The following KCNMA1 variants were observed in gnomAD, a reference collection of about 807,000 sequenced individuals.
The protein encoded by KCNMA1 is potassium calcium-activated channel subfamily M alpha 1, also known as Calcium-activated potassium channel subunit alpha-1.
Under a neutral mutation model 140.0 loss-of-function variants are expected in KCNMA1, and 29 were observed. The observed-to-expected ratio is 0.21, with a 90% CI of 0.15 to 0.28. The LOEUF is 0.28. Ranked by LOEUF, KCNMA1 falls within the 10% of genes least tolerant of loss-of-function variation. The pLI, the probability that KCNMA1 is intolerant of heterozygous loss-of-function variation, is 1.00. For missense variants in KCNMA1, 880 were observed against 1,602.2 expected, an observed-to-expected ratio of 0.55 and a Z score of 7.70; for synonymous variants, 612 against 611.9, an observed-to-expected ratio of 1.00 and a Z score of 0.00.
chr10:76,891,822 A>C (rs2040199404), intron 25 of KCNMA1, 103 bp from the exon 26 acceptor site: 1 of 910,252 alleles, frequency 1.1e-6, no homozygotes, highest in African/African-American at 1.6e-5. Context: ...CTCCTGTTTA[A>C]AGTTCTGGCC....
At chr10:77,028,408 C>T (rs1357017486) in intron 15 of KCNMA1, among the ~76,000 whole-genome samples, 1 of 152,090 alleles carries the variant, frequency 6.6e-6, no homozygotes, top group Non-Finnish European at 1.5e-5. Flanking sequence ...CTCCTGGCTC[C>T]ATCCAAGCTG....
intron 1 of KCNMA1, among the ~76,000 whole-genome samples, chr10:77,409,034 C>T (rs2096560489): frequency 6.6e-6 from 1 of 152,214 alleles, no homozygotes; most frequent in African/African-American, 2.4e-5. Flanking sequence ...CCCTACCAGG[C>T]AACCTCTCAC....
At chr10:77,471,357 A>C in intron 1 of KCNMA1, among the ~76,000 whole-genome samples, 1 of 150,982 alleles carries the variant, frequency 6.6e-6, no homozygotes, top group East Asian at 2.0e-4. Flanking sequence ...CAACACATGT[A>C]ACACAACACA....
chr10:77,229,722 G>T (rs1235663158), intron 3 of KCNMA1, among the ~76,000 whole-genome samples: 2 of 152,108 alleles, frequency 1.3e-5, no homozygotes, highest in East Asian at 3.9e-4. Flanking sequence ...CATACTCCCT[G>T]AGACGAACCA....
chr10:77,177,854 C>T (rs940518346), intron 5 of KCNMA1, among the ~76,000 whole-genome samples: 100 of 152,296 alleles, frequency 6.6e-4, no homozygotes, highest in African/African-American at 2.4e-3. Context: ...CCTGCTGTCA[C>T]TGCATGTGTG....
intron 21 of KCNMA1, chr10:76,952,059 G>A (rs1221194523): frequency 6.4e-7 from 1 of 1,552,118 alleles, no homozygotes; most frequent in South Asian, 1.2e-5. Context: ...TTTTATGCTG[G>A]CAGGAGATGT....
chr10:77,614,303 G>A (rs1416320994), intron 1 of KCNMA1, among the ~76,000 whole-genome samples: 1 of 152,074 alleles, frequency 6.6e-6, no homozygotes, highest in African/African-American at 2.4e-5. Context: ...GACATGCCAC[G>A]TGTTTGGTGC....
chr10:76,996,732 C>T lies in KCNMA1; in HGVS notation c.2266+4675G>A, dbSNP rs561888562. Among the ~76,000 whole-genome samples the T allele has an allele frequency of 2.0e-5, 3 of 152,206 alleles. No individual in the cohort carries two copies. The South Asian group carries it at 6.2e-4, about 32-fold the overall frequency. ...AAAACTATGATCACATCGATTCGTG[C>T]TTATTATCCTTGGCTCTCCTTTTTC... On this transcript the variant is annotated intron_variant, in intron 19 of 27. Coordinates refer to ENST00000286628, the MANE Select transcript of KCNMA1 (RefSeq NM_001161352.2).
At chr10:77,380,118 G>A (rs931183499) in intron 2 of KCNMA1, among the ~76,000 whole-genome samples, 12 of 152,182 alleles carry the variant, frequency 7.9e-5, no homozygotes, top group Non-Finnish European at 1.6e-4. Context: ...ATGAAAGTGT[G>A]TGAACAGGTT....
intron 1 of KCNMA1, among the ~76,000 whole-genome samples, chr10:77,565,604 TAAG>T (rs374884568): frequency 2.6e-5 from 4 of 152,190 alleles, no homozygotes; most frequent in Admixed American, 6.5e-5. Context: ...TGTGTGACCT[TAAG>T]CAGCTGTGCT....
chr10:77,183,650 C>A (rs1336653120), intron 4 of KCNMA1, 118 bp from the exon 5 acceptor site: 2 of 729,438 alleles, frequency 2.7e-6, no homozygotes, highest in African/African-American at 3.5e-5. Flanking sequence ...CCACGCCCGG[C>A]TAATTTTTGT....
intron 2 of KCNMA1, among the ~76,000 whole-genome samples, chr10:77,345,373 T>A (rs1248177488): frequency 6.6e-6 from 1 of 151,652 alleles, no homozygotes; most frequent in East Asian, 1.9e-4. Context: ...CTTTGCCAGG[T>A]GGTGCCTCCC....
At chr10:76,876,455 A>G (rs1226476860), downstream of KCNMA1, 4 of 152,666 alleles carry the variant, frequency 2.6e-5, no homozygotes, top group South Asian at 2.1e-4. Flanking sequence ...GCTCTGAGAC[A>G]TCGTAATTGC....
chr10:76,958,446 A>G (rs567615679), intron 20 of KCNMA1, among the ~76,000 whole-genome samples: 61 of 152,316 alleles, frequency 4.0e-4, no homozygotes, highest in African/African-American at 1.4e-3. Context: ...AAACTCTATG[A>G]TGTGAGATAT....
At chr10:77,279,720 A>G (rs1025884522) in intron 2 of KCNMA1, among the ~76,000 whole-genome samples, 7 of 152,094 alleles carry the variant, frequency 4.6e-5, no homozygotes, top group Non-Finnish European at 1.0e-4. Flanking sequence ...CATGGGAGGA[A>G]CCCAATGGGA....
At chr10:77,404,138 T>A in intron 1 of KCNMA1, 115 bp from the exon 2 acceptor site, 2 of 955,030 alleles carry the variant, frequency 2.1e-6, no homozygotes, top group Non-Finnish European at 3.3e-6. Flanking sequence ...GAAACTAGCT[T>A]AAAGGTATAG....
At chr10:77,077,326 G>A (rs575827945) in intron 13 of KCNMA1, among the ~76,000 whole-genome samples, 15 of 152,288 alleles carry the variant, frequency 9.8e-5, no homozygotes, top group Admixed American at 9.8e-4. Flanking sequence ...CCCAAAACTC[G>A]AATAGTTTGG....
At chr10:77,318,417 G>A (rs1414697328) in intron 2 of KCNMA1, among the ~76,000 whole-genome samples, 1 of 152,176 alleles carries the variant, frequency 6.6e-6, no homozygotes, top group Non-Finnish European at 1.5e-5. Context: ...TGCCGCCATG[G>A]ACTGTGCTTG....
At chr10:77,304,133 A>G (rs150863808) in intron 2 of KCNMA1, among the ~76,000 whole-genome samples, 44 of 152,310 alleles carry the variant, frequency 2.9e-4, no homozygotes, top group African/African-American at 1.1e-3. Context: ...TTTCCTGCAC[A>G]TAGGGCCAGA....
Sources: allele counts gnomAD v4.1 joint callset (sites outside exome capture counted in the v4.1 genomes callset), GRCh38; gene constraint gnomAD v4.1.1; transcripts MANE v1.5; gene names NCBI Gene and HGNC (gene_info 2026-07-23, HGNC 2026-07-21).